The following ADAM12 variants were observed in gnomAD, a reference collection of about 807,000 sequenced individuals.
The protein encoded by ADAM12 is disintegrin and metalloproteinase domain-containing protein 12.
A neutral mutation model predicts 106.4 loss-of-function variants in ADAM12; 70 were observed. The observed-to-expected ratio is 0.66, with a 90% confidence interval of 0.54 to 0.80. The LOEUF is 0.80. Among genes scored for constraint, ADAM12 ranks in the 30% least tolerant of loss-of-function variants. The probability of loss-of-function intolerance (pLI) is 0.00; values close to 1 mark genes in which losing one functional copy is unlikely to be tolerated. For missense variants in ADAM12, 1,010 were observed against 1,171.9 expected (o/e 0.86, Z 2.02); for synonymous variants, 420 against 433.5 (o/e 0.97, Z 0.39).
intron 3 of ADAM12, among the ~76,000 whole-genome samples, chr10:126,233,756 T>C (rs571959629): frequency 6.6e-6 from 1 of 152,332 alleles, no homozygotes; most frequent in South Asian, 2.1e-4. Flanking sequence ...CACTCGCATA[T>C]TTTAAGGTGA....
At chr10:126,022,068 G>A (rs760828981) in intron 21 of ADAM12, among the ~76,000 whole-genome samples, 6 of 152,220 alleles carry the variant, frequency 3.9e-5, no homozygotes, top group East Asian at 1.9e-4. Flanking sequence ...AAAGAATAAC[G>A]TCAGGTTTTT....
At chr10:126,360,137 G>A (rs1206377559) in intron 1 of ADAM12, among the ~76,000 whole-genome samples, 3 of 152,138 alleles carry the variant, frequency 2.0e-5, no homozygotes, top group African/African-American at 7.2e-5. Flanking sequence ...ACAGCACAGG[G>A]ACCCTGGGCC....
At chr10:126,242,965 G>A (rs1215011932) in intron 3 of ADAM12, among the ~76,000 whole-genome samples, 1 of 152,366 alleles carries the variant, frequency 6.6e-6, no homozygotes, top group Non-Finnish European at 1.5e-5. Flanking sequence ...AGCCAAGGCT[G>A]TGACACAAGA....
At chr10:126,100,539 T>TA (rs746416839) in intron 9 of ADAM12, among the ~76,000 whole-genome samples, 7,578 of 123,384 alleles carry the variant, frequency 0.061, 645 homozygotes, top group African/African-American at 0.19. Context: ...CTGTCTCTAC[T>TA]AAAAAAAAAA....
At chr10:126,360,547 A>G (rs2366707) in intron 1 of ADAM12, among the ~76,000 whole-genome samples, 104,200 of 152,002 alleles carry the variant, frequency 0.69, 35,939 homozygotes, top group Admixed American at 0.74. Context: ...TTGCTAAAAC[A>G]TAACAAAATT....
intron 3 of ADAM12, among the ~76,000 whole-genome samples, chr10:126,264,153 C>T (rs184149138): frequency 2.3e-4 from 35 of 152,246 alleles, no homozygotes; most frequent in African/African-American, 6.5e-4. Flanking sequence ...TTTCATTTTA[C>T]GAAAACCACA....
chr10:126,054,067 C>T (rs966500370), intron 14 of ADAM12, among the ~76,000 whole-genome samples: 1 of 152,158 alleles, frequency 6.6e-6, no homozygotes, highest in Non-Finnish European at 1.5e-5. Flanking sequence ...TCTCAAGATG[C>T]TGACATTTTT....
intron 1 of ADAM12, among the ~76,000 whole-genome samples, chr10:126,347,898 G>A (rs534258220): frequency 1.3e-5 from 2 of 152,158 alleles, no homozygotes; most frequent in African/African-American, 2.4e-5. Flanking sequence ...ATCCAGTGAC[G>A]AATTCTCTGC....
At chr10:126,051,444 GCCAGCCAC>G (rs951948558) in intron 14 of ADAM12, among the ~76,000 whole-genome samples, 2 of 150,118 alleles carry the variant, frequency 1.3e-5, no homozygotes, top group South Asian at 2.1e-4. Context: ...CGTCCATCCA[GCCAGCCAC>G]CCAGCCACCC....
At chr10:126,045,977 C>T in intron 17 of ADAM12, 78 bp downstream of exon 17, 1 of 1,349,184 alleles carries the variant, frequency 7.4e-7, no homozygotes, top group East Asian at 2.3e-5. Context: ...CTATGGATTG[C>T]AAAACCTTTT....
chr10:126,157,025 G>T (rs1753593997), intron 3 of ADAM12, among the ~76,000 whole-genome samples: 2 of 103,796 alleles, frequency 1.9e-5, no homozygotes, highest in South Asian at 1.1e-3. Context: ...TTTTGTGTGT[G>T]TGTGTGTGGG....
intron 10 of ADAM12, among the ~76,000 whole-genome samples, chr10:126,094,933 C>A (rs1955529065): frequency 6.6e-6 from 1 of 152,088 alleles, no homozygotes; most frequent in Non-Finnish European, 1.5e-5. Flanking sequence ...TGGCTTGGCT[C>A]AAACAGATAC....
chr10:126,195,923 G>A (rs1386426998), intron 3 of ADAM12, among the ~76,000 whole-genome samples: 1 of 152,144 alleles, frequency 6.6e-6, no homozygotes, highest in African/African-American at 2.4e-5. Flanking sequence ...AGTAAAACCC[G>A]ATCACCGTCT....
In ADAM12 at chr10:126,013,036, G is replaced by A. The variant is rs1564985585; in HGVS notation, c.*4243C>T. 1 of 152,206 alleles carries A rather than the reference G, an allele frequency of 6.6e-6. No homozygotes were observed. The allele number at this position is 152,206 out of a possible 1,614,324, so 9.4% of individuals were successfully genotyped here. A position where few individuals can be genotyped will look rare whatever the true frequency, so the allele number is the denominator to read the frequency against. ...GGGTTACAGGGCATTCAACCTGGAA[G>A]AGCTGAATAGCTTTACATTGAGAAT... On this transcript the variant is annotated 3_prime_UTR_variant, in exon 23 of 23. Transcript: ENST00000448723. This position sits in a 1 kb window ranked among gnomAD's most constrained non-coding sequence, Gnocchi z 4.3.
At chr10:126,029,422 G>C (rs922398220) in intron 21 of ADAM12, among the ~76,000 whole-genome samples, 2 of 152,204 alleles carry the variant, frequency 1.3e-5, no homozygotes, top group Non-Finnish European at 2.9e-5. Context: ...AAAGGAATGA[G>C]ATCATGTCTT....
At chr10:126,258,887 T>C (rs986071624) in intron 3 of ADAM12, among the ~76,000 whole-genome samples, 1 of 152,182 alleles carries the variant, frequency 6.6e-6, no homozygotes, top group African/African-American at 2.4e-5. Context: ...ATTTGTAAGA[T>C]CATCTCTTTG....
chr10:126,036,280 T>G lies in ADAM12; in HGVS notation c.2395A>C (p.Arg799=). Reference sequence around the variant, plus strand: ...GGGACATTCAGGCCGTTGAGGGGTCTGCTGATGTCAACATTCTGACACTGC... The same window carrying G: ...GGGACATTCAGGCCGTTGAGGGGTCGGCTGATGTCAACATTCTGACACTGC... ...LLQCQNVDIS[R]PLNGLNVPQP... Residue 799 remains arginine, a synonymous_variant, in exon 21 of 23, where the codon AGA becomes CGA. Transcript: ENST00000448723. The G allele has an allele frequency of 6.4e-7, 1 of 1,562,272 alleles. No individual in the cohort carries two copies. The highest frequency in any genetic ancestry group is 8.6e-7 in the Non-Finnish European group (1 of 1,160,830).
At chr10:126,102,743 A>G (rs1036317172) in intron 8 of ADAM12, among the ~76,000 whole-genome samples, 1 of 152,224 alleles carries the variant, frequency 6.6e-6, no homozygotes. Flanking sequence ...ACAGCCCAAC[A>G]GTTTGTTTTC....
At chr10:126,119,080 G>A (rs891922480) in intron 5 of ADAM12, among the ~76,000 whole-genome samples, 3 of 152,144 alleles carry the variant, frequency 2.0e-5, no homozygotes, top group African/African-American at 7.2e-5. Flanking sequence ...TGTGGGAGAT[G>A]TGTGAATAAA....
Sources: gnomAD v4.1 joint callset for allele counts (sites outside exome capture counted in the v4.1 genomes callset) on GRCh38, gnomAD v4.1.1 for gene constraint, Gnocchi (gnomAD v3.1) non-coding constraint, MANE v1.5 for transcripts, NCBI Gene and HGNC (gene_info 2026-07-23, HGNC 2026-07-21) for gene names.